The following GPC5 variants were observed in gnomAD, a reference collection of about 807,000 sequenced individuals.
GPC5 encodes glypican-5.
GPC5 carries 47 observed loss-of-function variants against 53.9 expected under a neutral mutation model. The observed-to-expected ratio is 0.87, with a 90% CI of 0.69 to 1.11. The LOEUF (loss-of-function observed/expected upper bound fraction) is 1.11. GPC5 is among the 50% of genes most tolerant of loss of function. The pLI, the probability that GPC5 is intolerant of heterozygous loss-of-function variation, is 0.00. For synonymous variants in GPC5, 286 were observed against 263.3 expected (o/e 1.09, Z -0.84); for missense variants, 748 against 713.1 (o/e 1.05, Z -0.56).
chr13:92,228,556 G>A (rs947648066), intron 7 of GPC5, among the ~76,000 whole-genome samples: 2 of 152,098 alleles, frequency 1.3e-5, no homozygotes, highest in African/African-American at 4.8e-5. Flanking sequence ...TTGGTTTCAA[G>A]TGCTTTTCAT....
intron 7 of GPC5, among the ~76,000 whole-genome samples, chr13:92,411,665 T>C (rs1876048205): frequency 6.6e-6 from 1 of 152,214 alleles, no homozygotes; most frequent in Non-Finnish European, 1.5e-5. Flanking sequence ...TGTTAGTTTT[T>C]CTAAGGTTAA....
intron 2 of GPC5, among the ~76,000 whole-genome samples, chr13:91,651,952 T>C (rs932224008): frequency 7.2e-5 from 11 of 152,196 alleles, no homozygotes; most frequent in African/African-American, 2.7e-4. Context: ...ACTAGAAAGA[T>C]ACAGATTCCT....
chr13:92,028,265 A>C (rs2040815681), intron 6 of GPC5, among the ~76,000 whole-genome samples: 1 of 152,162 alleles, frequency 6.6e-6, no homozygotes, highest in Admixed American at 6.5e-5. Context: ...CACTACTATA[A>C]ATCATAAACC....
chr13:92,660,245 A>G (rs1406986083), intron 7 of GPC5, among the ~76,000 whole-genome samples: 1 of 151,932 alleles, frequency 6.6e-6, no homozygotes, highest in Admixed American at 6.6e-5. Flanking sequence ...TTCATTTTGG[A>G]TGCTTGATAG....
chr13:91,649,715 T>C (rs557795820), intron 2 of GPC5, among the ~76,000 whole-genome samples: 1 of 152,270 alleles, frequency 6.6e-6, no homozygotes, highest in South Asian at 2.1e-4. Flanking sequence ...TTATAGCATC[T>C]CTGTAGCATG....
chr13:92,390,774 G>C (rs149848323), intron 7 of GPC5, among the ~76,000 whole-genome samples: 1 of 152,122 alleles, frequency 6.6e-6, no homozygotes, highest in East Asian at 1.9e-4. Flanking sequence ...GTTTTATCAA[G>C]TATATATAAC....
chr13:92,260,453 A>C lies in GPC5; in HGVS notation c.1561+115464A>C, dbSNP rs78153046. On this transcript the variant is annotated intron_variant, in intron 7 of 7. Coordinates refer to ENST00000377067, the MANE Select transcript of GPC5 (RefSeq NM_004466.6). ...AAGTACTATCATGGCAGCACAAGTT[A>C]AGAACACTGTTCTGTAGATCCGCAT... Among the ~76,000 whole-genome samples the C allele has an allele frequency of 8.3e-3, 1,268 of 152,308 alleles. 22 individuals carry two copies. Among genetic ancestry groups the C allele is most frequent in the African/African-American group, 0.029 (1,218 of 41,566 alleles).
chr13:91,571,925 A>G lies in GPC5; in HGVS notation c.326-121262A>G, dbSNP rs189957808. Among the ~76,000 whole-genome samples, 299 of 126,228 alleles carry G rather than the reference A, an allele frequency of 2.4e-3. 15 individuals carry two copies. Among genetic ancestry groups the G allele is most frequent in the South Asian group, 6.5e-3 (23 of 3,552 alleles). The allele number at this position is 126,228 out of a possible 152,430, so 82.8% of individuals were successfully genotyped here. A position where few individuals can be genotyped will look rare whatever the true frequency, so the allele number is the denominator to read the frequency against. On this transcript the variant is annotated intron_variant, in intron 2 of 7. Coordinates refer to ENST00000377067, the MANE Select transcript of GPC5 (RefSeq NM_004466.6). ...CATATTGTATATATACACATATTGT[A>G]TATATACACACATGTATATACATAT...
chr13:91,532,192 G>A (rs1035441625), intron 2 of GPC5, among the ~76,000 whole-genome samples: 2 of 152,148 alleles, frequency 1.3e-5, no homozygotes, highest in Non-Finnish European at 2.9e-5. Flanking sequence ...TTTTATATAT[G>A]TTATTGTCAA....
chr13:91,969,566 C>A lies in GPC5; in HGVS notation c.1401+61509C>A, dbSNP rs1183090735. ...GCTTCTGTACATCAAAGAGAATAAT[C>A]AACAAAATGAAAGGGCAACCTATGG... On this transcript the variant is annotated intron_variant, in intron 6 of 7. Transcript: ENST00000377067. Among the ~76,000 whole-genome samples the A allele has an allele frequency of 1.9e-4, 29 of 151,944 alleles. 1 individual carries two copies. Among genetic ancestry groups the A allele is most frequent in the African/African-American group, 2.4e-5 (1 of 41,364 alleles).
chr13:92,548,986 T>G (rs879008701), intron 7 of GPC5, among the ~76,000 whole-genome samples: 4 of 152,296 alleles, frequency 2.6e-5, no homozygotes, highest in Admixed American at 2.6e-4. Flanking sequence ...AGTTTAGAGA[T>G]AAGCATTTAG....
chr13:91,743,522 G>A (rs1460197894), intron 4 of GPC5, among the ~76,000 whole-genome samples: 7 of 151,952 alleles, frequency 4.6e-5, no homozygotes, highest in African/African-American at 9.7e-5. Context: ...ATCTATCAAC[G>A]GCATTTAAAA....
At chr13:92,790,448 T>C (rs1876421404) in intron 7 of GPC5, among the ~76,000 whole-genome samples, 1 of 152,118 alleles carries the variant, frequency 6.6e-6, no homozygotes, top group Admixed American at 6.6e-5. Flanking sequence ...CAAGAGATTG[T>C]AGATTAAAAA....
intron 5 of GPC5, among the ~76,000 whole-genome samples, chr13:91,781,781 C>T (rs1038349666): frequency 6.6e-6 from 1 of 152,174 alleles, no homozygotes; most frequent in African/African-American, 2.4e-5. Flanking sequence ...ATTTCCAAAG[C>T]TTGTGACTTT....
chr13:92,739,024 A>AT (rs1594467904), intron 7 of GPC5, among the ~76,000 whole-genome samples: 1 of 152,152 alleles, frequency 6.6e-6, no homozygotes, highest in African/African-American at 2.4e-5. Context: ...ATGAATTAAG[A>AT]TTTTTGCTGG....
chr13:92,712,713 T>A (rs978888748), intron 7 of GPC5, among the ~76,000 whole-genome samples: 6 of 152,192 alleles, frequency 3.9e-5, no homozygotes, highest in Non-Finnish European at 7.3e-5. Flanking sequence ...CAGATTTACA[T>A]GTTGAAGTCC....
intron 5 of GPC5, among the ~76,000 whole-genome samples, chr13:91,902,744 A>T (rs1220283257): frequency 2.6e-5 from 4 of 152,100 alleles, no homozygotes; most frequent in Non-Finnish European, 5.9e-5. Flanking sequence ...TTACAAAAAA[A>T]TTTAATCTAG....
intron 7 of GPC5, chr13:92,490,067 TTATC>T (rs1168423584): frequency 6.5e-6 from 1 of 153,782 alleles, no homozygotes; most frequent in Non-Finnish European, 1.5e-5. Context: ...TTTAAAAAAT[TTATC>T]TATAATGTGC....
rs34365585 is a variant in GPC5, at chr13:91,458,061, G to A, written c.325+9139G>A. 1.7e-3 allele frequency among the ~76,000 whole-genome samples: 263 copies of A among 152,226 alleles called. 2 individuals carry two copies. Among genetic ancestry groups the A allele is most frequent in the Non-Finnish European group, 2.4e-3 (165 of 68,000 alleles). ...GAGTGAGGGGGATGGAAATACTAGA[G>A]GGCTGCAATTTTAAATTGGATAATC... On this transcript the variant is annotated intron_variant, in intron 2 of 7. Transcript: ENST00000377067.
Sources: gnomAD v4.1 joint callset for allele counts (sites outside exome capture counted in the v4.1 genomes callset) on GRCh38, gnomAD v4.1.1 for gene constraint, MANE v1.5 for transcripts, NCBI Gene and HGNC (gene_info 2026-07-23, HGNC 2026-07-21) for gene names.